The following MIR2052HG variants were observed in gnomAD, a reference collection of about 807,000 sequenced individuals.
MIR2052HG encodes MIR2052 host gene.
chr8:74,665,960 T>G (rs1808919177), intron 2 of MIR2052HG, among the ~76,000 whole-genome samples: 1 of 152,200 alleles, frequency 6.6e-6, no homozygotes, highest in South Asian at 2.1e-4. Flanking sequence ...CCACCATGAG[T>G]GTGAGGCCTC....
chr8:74,697,653 C>T (rs1480154847), intron 2 of MIR2052HG, among the ~76,000 whole-genome samples: 3 of 152,116 alleles, frequency 2.0e-5, no homozygotes, highest in African/African-American at 7.2e-5. Context: ...TTAATGTACA[C>T]AAATCAGTAG....
At chr8:74,664,225 A>C (rs1413252941) in intron 2 of MIR2052HG, among the ~76,000 whole-genome samples, 15 of 151,978 alleles carry the variant, frequency 9.9e-5, no homozygotes, top group Non-Finnish European at 2.9e-5. Flanking sequence ...AGAATTCACC[A>C]CTATTGTCCA....
chr8:74,733,191 A>G (rs1809712201), intron 4 of MIR2052HG, among the ~76,000 whole-genome samples: 1 of 152,116 alleles, frequency 6.6e-6, no homozygotes, highest in African/African-American at 2.4e-5. Flanking sequence ...CTGACTCGTC[A>G]TCTAGCATTA....
At chr8:74,666,984 C>A (rs1808936058) in intron 2 of MIR2052HG, among the ~76,000 whole-genome samples, 1 of 152,162 alleles carries the variant, frequency 6.6e-6, no homozygotes, top group African/African-American at 2.4e-5. Context: ...GGCTCCAGTT[C>A]ATCCTAGCGC....
chr8:74,645,504 C>T (rs949913854), intron 2 of MIR2052HG, among the ~76,000 whole-genome samples: 5 of 152,116 alleles, frequency 3.3e-5, no homozygotes, highest in African/African-American at 4.8e-5. Flanking sequence ...AGGCTGGTCA[C>T]GAACTCCCAA....
At chr8:74,745,377 T>G (rs1809873468) in intron 4 of MIR2052HG, among the ~76,000 whole-genome samples, 1 of 152,222 alleles carries the variant, frequency 6.6e-6, no homozygotes, top group Non-Finnish European at 1.5e-5. Flanking sequence ...AAGCATTGAT[T>G]TATTAAATAT....
intron 4 of MIR2052HG, among the ~76,000 whole-genome samples, chr8:74,718,787 A>T (rs1422861465): frequency 6.6e-6 from 1 of 152,186 alleles, no homozygotes; most frequent in Non-Finnish European, 1.5e-5. Flanking sequence ...GGAAGAAGTG[A>T]TGGAGCTCTC....
intron 2 of MIR2052HG, among the ~76,000 whole-genome samples, chr8:74,698,340 T>G (rs996631362): frequency 6.6e-6 from 1 of 152,166 alleles, no homozygotes; most frequent in Non-Finnish European, 1.5e-5. Flanking sequence ...ATCTTTCACC[T>G]TATACAACAA....
At chr8:74,634,774 G>A (rs987948211) in intron 2 of MIR2052HG, among the ~76,000 whole-genome samples, 1 of 152,008 alleles carries the variant, frequency 6.6e-6, no homozygotes, top group African/African-American at 2.4e-5. Context: ...CTACTTCATA[G>A]GTATCGCAAG....
intron 2 of MIR2052HG, chr8:74,633,444 C>T (rs1179113024): frequency 6.6e-6 from 1 of 152,218 alleles, no homozygotes; most frequent in African/African-American, 2.4e-5. Context: ...AAAAAGTCAG[C>T]ACTCTGGTAC....
chr8:74,632,145 C>T (rs1405362573), intron 2 of MIR2052HG, among the ~76,000 whole-genome samples: 1 of 152,144 alleles, frequency 6.6e-6, no homozygotes, highest in Non-Finnish European at 1.5e-5. Flanking sequence ...GCCATTTTTC[C>T]ACTCATTGCT....
At chr8:74,671,447 G>A (rs1381368333) in intron 2 of MIR2052HG, among the ~76,000 whole-genome samples, 1 of 152,006 alleles carries the variant, frequency 6.6e-6, no homozygotes, top group East Asian at 1.9e-4. Flanking sequence ...TTAATAGAGA[G>A]GTTTCTGTTT....
At chr8:74,603,637 A>AAC in intron 1 of MIR2052HG, 1 of 1,316,372 alleles carries the variant, frequency 7.6e-7, no homozygotes, top group Non-Finnish European at 1.1e-6. Context: ...TGGCTGTGGA[A>AAC]TGGCAAACTG....
chr8:74,642,051 T>A (rs1808644121), intron 2 of MIR2052HG, among the ~76,000 whole-genome samples: 1 of 152,100 alleles, frequency 6.6e-6, no homozygotes, highest in African/African-American at 2.4e-5. Flanking sequence ...ACCTTTCAGA[T>A]GTTCTATTCA....
chr8:74,724,008 T>C (rs1249099707), intron 4 of MIR2052HG, among the ~76,000 whole-genome samples: 1 of 152,206 alleles, frequency 6.6e-6, no homozygotes, highest in African/African-American at 2.4e-5. Context: ...TATTTTATCA[T>C]CCAGCAATTA....
intron 4 of MIR2052HG, among the ~76,000 whole-genome samples, chr8:74,742,323 G>A (rs564925067): frequency 6.6e-6 from 1 of 152,246 alleles, no homozygotes; most frequent in African/African-American, 2.4e-5. Flanking sequence ...TAAGAATACA[G>A]ATGTGATGCT....
chr8:74,604,107 A>C, intron 1 of MIR2052HG: 1 of 918,348 alleles, frequency 1.1e-6, no homozygotes, highest in Non-Finnish European at 1.8e-6. Context: ...AGATGTTGAT[A>C]GGTGCACCAC....
intron 4 of MIR2052HG, among the ~76,000 whole-genome samples, chr8:74,723,736 A>G (rs1181015746): frequency 6.6e-6 from 1 of 152,208 alleles, no homozygotes; most frequent in Non-Finnish European, 1.5e-5. Flanking sequence ...ATTTCAGGAT[A>G]CTGTTGCTAG....
At chr8:74,668,082 G>T (rs781082434) in intron 2 of MIR2052HG, among the ~76,000 whole-genome samples, 1 of 151,466 alleles carries the variant, frequency 6.6e-6, no homozygotes, top group Non-Finnish European at 1.5e-5. Flanking sequence ...ATGACCTGAG[G>T]TGGGGGCTAT....
Sources: allele counts gnomAD v4.1 joint callset (sites outside exome capture counted in the v4.1 genomes callset), GRCh38; gene constraint gnomAD v4.1.1; transcripts MANE v1.5; gene names NCBI Gene and HGNC (gene_info 2026-07-23, HGNC 2026-07-21).